The following MYLK variants were observed in gnomAD, a reference collection of about 807,000 sequenced individuals.
The protein encoded by MYLK is myosin light chain kinase, smooth muscle.
A neutral mutation model predicts 203.4 loss-of-function variants in MYLK; 106 were observed. The observed-to-expected ratio is 0.52, with a 90% confidence interval of 0.45 to 0.61. MYLK has a LOEUF of 0.61. Among genes scored for constraint, MYLK ranks in the 20% least tolerant of loss-of-function variants. The pLI, the probability that MYLK is intolerant of heterozygous loss-of-function variation, is 0.00. For missense variants in MYLK, 2,072 were observed against 2,442.3 expected, an observed-to-expected ratio of 0.85 and a Z score of 3.20; for synonymous variants, 867 against 959.5, an observed-to-expected ratio of 0.90 and a Z score of 1.78.
chr3:123,618,613 T>C, intron 33 of MYLK, 26 bp downstream of exon 33: 1 of 1,613,488 alleles, frequency 6.2e-7, no homozygotes, highest in Non-Finnish European at 8.5e-7. Context: ...CTATTCATGG[T>C]GAAGAGAAGC....
chr3:123,874,693 A>G (rs957841830), intron 2 of MYLK, among the ~76,000 whole-genome samples: 8 of 152,196 alleles, frequency 5.3e-5, no homozygotes, highest in Middle Eastern at 3.2e-3. Flanking sequence ...AAAGAGAATG[A>G]GAAGACAAGC....
chr3:123,733,938 T>C lies in MYLK; in HGVS notation c.1058A>G (p.Gln353Arg). ...SSITLQAARV[Q>R]PEPRAPGLGV... ...CAGGCCTGGTGCTCTTGGTTCCGGC[T>C]GAACTCTTGCGGCCTGCAGGGTGAT... Residue 353 changes from glutamine to arginine, a missense_variant, in exon 10 of 34, where the codon CAG becomes CGG. Gln to Arg is a conservative substitution (Grantham distance 43, BLOSUM62 1). Transcript: ENST00000360304. The C allele has an allele frequency of 6.2e-6, 10 of 1,614,204 alleles. No homozygotes were observed. The highest frequency in any genetic ancestry group is 1.3e-5 in the African/African-American group (1 of 75,062).
chr3:123,832,550 A>G (rs2066364311), intron 2 of MYLK, among the ~76,000 whole-genome samples: 1 of 152,184 alleles, frequency 6.6e-6, no homozygotes, highest in African/African-American at 2.4e-5. Flanking sequence ...TTTATGTTGA[A>G]TCTTAATCCC....
chr3:123,649,361 A>C (rs1343680303), intron 24 of MYLK, among the ~76,000 whole-genome samples, 167 bp from the exon 25 acceptor site: 1 of 152,080 alleles, frequency 6.6e-6, no homozygotes, highest in Admixed American at 6.5e-5. Flanking sequence ...CCATATAGCA[A>C]ATAGGGCCCA....
intron 2 of MYLK, among the ~76,000 whole-genome samples, chr3:123,839,583 G>A (rs2066545670): frequency 1.3e-5 from 2 of 152,134 alleles, no homozygotes; most frequent in South Asian, 2.1e-4. Flanking sequence ...GGCCTGAAAG[G>A]AGAACTAGGA....
chr3:123,650,261 C>T (rs1254390), intron 24 of MYLK, among the ~76,000 whole-genome samples: 3,871 of 152,292 alleles, frequency 0.025, 68 homozygotes, highest in Middle Eastern at 0.092. Flanking sequence ...GCTCTGGATG[C>T]CACGCTTCGT....
At chr3:123,754,716 G>A (rs895430691) in intron 4 of MYLK, among the ~76,000 whole-genome samples, 1 of 152,150 alleles carries the variant, frequency 6.6e-6, no homozygotes, top group South Asian at 2.1e-4. Flanking sequence ...TTAACTATTA[G>A]TTTCTGAGAG....
At chr3:123,732,780 T>C (rs2062526375) in intron 11 of MYLK, 116 bp downstream of exon 11, 1 of 1,001,640 alleles carries the variant, frequency 1.0e-6, no homozygotes. Flanking sequence ...GACATTTCTG[T>C]CGGGCTGTGC....
intron 24 of MYLK, among the ~76,000 whole-genome samples, chr3:123,654,347 T>G (rs1463601): frequency 0.11 from 16,538 of 152,136 alleles, 2,037 homozygotes; most frequent in East Asian, 0.35. Context: ...ATTTTCAATT[T>G]TTTTTTCAAA....
intron 4 of MYLK, among the ~76,000 whole-genome samples, chr3:123,767,484 G>A (rs140852046): frequency 7.8e-4 from 119 of 152,316 alleles, no homozygotes; most frequent in Middle Eastern, 3.4e-3. Context: ...GCTTGCACCT[G>A]TAATCCCAGA....
Position 123,719,202 on chromosome 3 carries a change from G to T in MYLK, c.1804+2926C>A, listed in dbSNP as rs190853651. ...GCATCTGGCCTTTGGCACGGTATCT[G>T]CTGAGCTCTCAGAATAAGCTTGCTT... is the stretch of plus-strand genomic sequence containing the variant. On this transcript the variant is annotated intron_variant, in intron 13 of 33. Transcript: ENST00000360304. 6.3e-3 allele frequency among the ~76,000 whole-genome samples: 962 copies of T among 152,336 alleles called. 11 individuals are homozygous for T. The highest frequency in any genetic ancestry group is 0.022 in the African/African-American group (919 of 41,570).
At chr3:123,730,285 T>C (rs1426776737) in intron 11 of MYLK, among the ~76,000 whole-genome samples, 1 of 152,172 alleles carries the variant, frequency 6.6e-6, no homozygotes, top group East Asian at 1.9e-4. Flanking sequence ...TTGGTGAGAA[T>C]GTGGAAAAAC....
rs376670657 is a variant in MYLK, at chr3:123,649,198, G to A, written c.4289-4C>T. The A allele has an allele frequency of 7.4e-6, 12 of 1,612,064 alleles. No individual in the cohort carries two copies. Among genetic ancestry groups the A allele is most frequent in the South Asian group, 5.5e-5 (5 of 91,006 alleles). On this transcript the variant is annotated splice_polypyrimidine_tract_variant and splice_region_variant and intron_variant, in intron 24 of 33. Transcript: ENST00000360304. ...ACCTCCACTTCATCCTTCGGCTCTG[G>A]GGGGGGCACAAGGAAGGACAGAGAG...
chr3:123,699,849 A>G (rs1447473722), intron 18 of MYLK, among the ~76,000 whole-genome samples, 171 bp downstream of exon 18: 1 of 152,202 alleles, frequency 6.6e-6, no homozygotes, highest in East Asian at 1.9e-4. Context: ...TCCTTGAGTT[A>G]GCAGGAAACA....
intron 4 of MYLK, among the ~76,000 whole-genome samples, chr3:123,790,516 T>C (rs965042456): frequency 6.6e-6 from 1 of 152,142 alleles, no homozygotes; most frequent in Non-Finnish European, 1.5e-5. Flanking sequence ...GGAAAGAGGC[T>C]TGAACCCCCA....
intron 29 of MYLK, among the ~76,000 whole-genome samples, chr3:123,632,871 C>T (rs1279181144): frequency 6.9e-6 from 1 of 145,972 alleles, no homozygotes; most frequent in African/African-American, 2.6e-5. Flanking sequence ...GTAGTGCGAT[C>T]TCAGCTCACT....
intron 21 of MYLK, 107 bp downstream of exon 21, chr3:123,667,029 TG>T: frequency 5.9e-6 from 6 of 1,017,084 alleles, no homozygotes; most frequent in Non-Finnish European, 9.4e-6. Context: ...GGGGTTGCAG[TG>T]GGGTGTCTCC....
At chr3:123,733,657 C>T (rs2062566128) in intron 10 of MYLK, 30 bp downstream of exon 10, 2 of 1,612,332 alleles carry the variant, frequency 1.2e-6, no homozygotes, top group Non-Finnish European at 1.7e-6. Flanking sequence ...TACATTTTGG[C>T]AATCGGTGAC....
At chr3:123,883,405 T>C (rs765829441) in intron 1 of MYLK, among the ~76,000 whole-genome samples, 4 of 151,908 alleles carry the variant, frequency 2.6e-5, no homozygotes, top group African/African-American at 4.8e-5. Flanking sequence ...GGCTACGAAA[T>C]AGAAAGTGCC....
Sources: allele counts gnomAD v4.1 joint callset (sites outside exome capture counted in the v4.1 genomes callset), GRCh38; gene constraint gnomAD v4.1.1; transcripts MANE v1.5; gene names NCBI Gene and HGNC (gene_info 2026-07-23, HGNC 2026-07-21).